The following CECR2 variants were observed in gnomAD, a reference collection of about 807,000 sequenced individuals.
CECR2 encodes chromatin remodeling regulator CECR2.
CECR2 carries 30 observed loss-of-function variants against 154.5 expected under a neutral mutation model. That is an observed-to-expected ratio of 0.19 (90% confidence interval 0.15 to 0.26). The LOEUF (loss-of-function observed/expected upper bound fraction) is 0.26. CECR2 is among the 10% of genes least tolerant of loss of function. CECR2 has a pLI of 1.00. For synonymous variants in CECR2, 725 were observed against 683.7 expected (o/e 1.06, Z -0.94); for missense variants, 1,743 against 1,829.3 (o/e 0.95, Z 0.86).
chr22:17,531,858 A>C (rs2056360548), intron 9 of CECR2, among the ~76,000 whole-genome samples: 1 of 152,226 alleles, frequency 6.6e-6, no homozygotes, highest in African/African-American at 2.4e-5. Flanking sequence ...TAGGAGCAAC[A>C]GCAGACCTCA....
At chr22:17,546,268 A>G (rs1008303414) in intron 16 of CECR2, among the ~76,000 whole-genome samples, 6 of 152,020 alleles carry the variant, frequency 3.9e-5, no homozygotes, top group Admixed American at 3.9e-4. Context: ...CGGGTGGATC[A>G]CGAGGTCAGG....
chr22:17,485,425 A>G (rs2055402572), intron 2 of CECR2, among the ~76,000 whole-genome samples: 1 of 152,200 alleles, frequency 6.6e-6, no homozygotes, highest in African/African-American at 2.4e-5. Context: ...ATCTAAAAAT[A>G]ATGTTTTGAA....
chr22:17,525,484 T>G (rs1442249447), intron 9 of CECR2, among the ~76,000 whole-genome samples: 1 of 151,868 alleles, frequency 6.6e-6, no homozygotes, highest in African/African-American at 2.4e-5. Flanking sequence ...CTCACGCCTG[T>G]AATCCCAGCT....
intron 1 of CECR2, among the ~76,000 whole-genome samples, chr22:17,460,301 C>T (rs2054917913): frequency 6.6e-6 from 1 of 152,172 alleles, no homozygotes; most frequent in African/African-American, 2.4e-5. Context: ...CCTCTGTCTC[C>T]TGGGTTCAAG....
intron 1 of CECR2, among the ~76,000 whole-genome samples, chr22:17,442,272 A>C (rs2054595883): frequency 6.6e-6 from 1 of 152,212 alleles, no homozygotes; most frequent in Non-Finnish European, 1.5e-5. Flanking sequence ...TTATTAAAAA[A>C]TGCAGATCAG....
intron 1 of CECR2, among the ~76,000 whole-genome samples, chr22:17,427,613 C>T (rs1029803945): frequency 2.0e-5 from 3 of 151,876 alleles, no homozygotes; most frequent in Non-Finnish European, 4.4e-5. Flanking sequence ...TGGTGTGGAC[C>T]AAAAGAGTGA....
chr22:17,458,665 A>G (rs990965662), intron 1 of CECR2, among the ~76,000 whole-genome samples: 2 of 152,188 alleles, frequency 1.3e-5, no homozygotes, highest in African/African-American at 4.8e-5. Context: ...AATGAATAGT[A>G]AAATCTAACA....
chr22:17,485,156 C>G (rs567740318), intron 2 of CECR2, among the ~76,000 whole-genome samples: 1 of 152,078 alleles, frequency 6.6e-6, no homozygotes, highest in East Asian at 1.9e-4. Context: ...TTAATCCTTC[C>G]GACAGCCCTC....
chr22:17,447,069 G>C (rs73377024), intron 1 of CECR2, among the ~76,000 whole-genome samples: 34,060 of 127,828 alleles, frequency 0.27, 6,627 homozygotes, highest in African/African-American at 0.54. Flanking sequence ...GAGTCTCGCT[G>C]TCTTGCCCAG....
intron 8 of CECR2, among the ~76,000 whole-genome samples, chr22:17,519,450 AG>A (rs2056118708): frequency 6.6e-6 from 1 of 151,904 alleles, no homozygotes; most frequent in Non-Finnish European, 1.5e-5. Context: ...TAGTAGAGAC[AG>A]GGTTCACCAC....
chr22:17,548,849 C>G lies in CECR2; in HGVS notation c.3562C>G (p.Pro1188Ala), dbSNP rs556528619. The change falls in exon 17 of 19, where the codon CCA becomes GCA. Residue 1188 changes from proline (P) to alanine (A), a missense_variant. This residue lies in a region of CECR2 where 1,250 missense variants were observed against 1,192.1 expected (regional missense o/e 1.05). Transcript: ENST00000262608. ...ACAAGGAATGAGGTATTCCTACCAC[C>G]CACCGCCACAGCCTTCCTACCACCA... ...PPQGMRYSYHPPPQPSYHHYQ... is the reference protein window; with the variant it reads ...PPQGMRYSYHAPPQPSYHHYQ... 6.2e-7 allele frequency: 1 copy of G among 1,613,608 alleles called. No individual in the cohort carries two copies. The highest frequency in any genetic ancestry group is 1.7e-5 in the Admixed American group (1 of 60,000).
intron 1 of CECR2, among the ~76,000 whole-genome samples, chr22:17,451,862 A>C (rs994183061): frequency 6.6e-6 from 1 of 152,234 alleles, no homozygotes; most frequent in Non-Finnish European, 1.5e-5. Flanking sequence ...TTCAAAGAAA[A>C]AGAGTAAGAT....
At position 17,555,930 on chromosome 22, in the gene CECR2, T is replaced by C. The variant is rs974751820; in HGVS notation, c.*3090T>C. ...TTAATAAGTTAGAAACTTGTGTCCC[T>C]AAGGCCCAAGAGAAAAGATGAGCTT... is the stretch of plus-strand genomic sequence containing the variant. On this transcript the variant is annotated 3_prime_UTR_variant, in exon 19 of 19. Transcript: ENST00000262608. 6.6e-6 allele frequency: 1 copy of C among 152,176 alleles called. No homozygotes were observed. The highest frequency in any genetic ancestry group is 2.1e-4 in the South Asian group (1 of 4,828). The allele number at this position is 152,176 out of a possible 1,614,324, so 9.4% of individuals were successfully genotyped here.
chr22:17,399,046 CA>C (rs1255537785), intron 1 of CECR2, among the ~76,000 whole-genome samples: 1 of 152,140 alleles, frequency 6.6e-6, no homozygotes, highest in East Asian at 1.9e-4. Context: ...TCTACTCAAT[CA>C]GATTCAGCAT....
At chr22:17,379,581 G>GGTGTGTGTGTATGT (rs1555899688) in intron 1 of CECR2, among the ~76,000 whole-genome samples, 1 of 137,814 alleles carries the variant, frequency 7.3e-6, no homozygotes, top group Non-Finnish European at 1.6e-5. Flanking sequence ...CTACGTTGAA[G>GGTGTGTGTGTATGT]GTGTGTGTGT....
At chr22:17,370,298 C>G (rs1294176383) in intron 1 of CECR2, among the ~76,000 whole-genome samples, 215 of 144,752 alleles carry the variant, frequency 1.5e-3, no homozygotes, top group Non-Finnish European at 2.6e-3. Context: ...CGCGAGCCAG[C>G]TGCTCCGGCG....
intron 1 of CECR2, among the ~76,000 whole-genome samples, chr22:17,464,564 C>CATG (rs1177492821): frequency 6.6e-6 from 1 of 152,126 alleles, no homozygotes; most frequent in Non-Finnish European, 1.5e-5. Flanking sequence ...CAGCGGCATG[C>CATG]TCATAGCTCA....
At chr22:17,517,632 C>T (rs2056082050) in intron 8 of CECR2, among the ~76,000 whole-genome samples, 1 of 152,116 alleles carries the variant, frequency 6.6e-6, no homozygotes, top group Non-Finnish European at 1.5e-5. Flanking sequence ...GTTTTAATTT[C>T]GTAGGTTAAT....
At chr22:17,510,074 C>T (rs960269334) in intron 7 of CECR2, among the ~76,000 whole-genome samples, 4 of 152,092 alleles carry the variant, frequency 2.6e-5, no homozygotes, top group Admixed American at 6.6e-5. Flanking sequence ...TTTAATTTCT[C>T]AACAAATAAA....
Sources: gnomAD v4.1 joint callset for allele counts (sites outside exome capture counted in the v4.1 genomes callset) on GRCh38, gnomAD v4.1.1 for gene constraint, gnomAD v4.1.1 regional missense constraint, MANE v1.5 for transcripts, NCBI Gene and HGNC (gene_info 2026-07-23, HGNC 2026-07-21) for gene names.